The following CDH4 variants were observed in gnomAD, a reference collection of about 807,000 sequenced individuals.
CDH4 encodes the protein cadherin-4.
In CDH4, 33 loss-of-function variants were observed where a neutral mutation model predicts 86.0. That is an observed-to-expected ratio of 0.38 (90% CI 0.29 to 0.51). CDH4 has a LOEUF of 0.51. Among genes scored for constraint, CDH4 ranks in the 20% least tolerant of loss-of-function variants. CDH4 has a pLI of 0.86. For missense variants in CDH4, 1,114 were observed against 1,307.4 expected (o/e 0.85, Z 2.28); for synonymous variants, 555 against 549.4 (o/e 1.01, Z -0.14).
chr20:61,813,727 T>C (rs945952472), intron 4 of CDH4, among the ~76,000 whole-genome samples: 1 of 152,178 alleles, frequency 6.6e-6, no homozygotes, highest in African/African-American at 2.4e-5. Context: ...ATTTTTATTT[T>C]CTCACCTTGT....
At chr20:61,718,660 T>C in intron 2 of CDH4, 5 of 388,398 alleles carry the variant, frequency 1.3e-5, no homozygotes, top group South Asian at 9.7e-5. Context: ...GGACATTAAC[T>C]TGAACCGAAG....
At chr20:61,293,699 T>A (rs1158542863) in intron 2 of CDH4, among the ~76,000 whole-genome samples, 1 of 152,130 alleles carries the variant, frequency 6.6e-6, no homozygotes, top group African/African-American at 2.4e-5. Context: ...GCACAGCACC[T>A]CTTGGAGGGA....
chr20:61,444,797 G>A (rs552246328), intron 2 of CDH4, among the ~76,000 whole-genome samples: 7 of 150,982 alleles, frequency 4.6e-5, no homozygotes, highest in South Asian at 2.1e-4. Flanking sequence ...TTGTGTATCC[G>A]TATGTATGTG....
chr20:61,755,341 C>G (rs942340239), intron 3 of CDH4, among the ~76,000 whole-genome samples: 2 of 147,390 alleles, frequency 1.4e-5, no homozygotes, highest in African/African-American at 2.5e-5. Context: ...CCTTGTAACA[C>G]CACACACATA....
chr20:61,553,467 C>A (rs1459028803), intron 2 of CDH4, among the ~76,000 whole-genome samples: 1 of 152,224 alleles, frequency 6.6e-6, no homozygotes. Context: ...AGATTAAAAA[C>A]CAGCCTTTGA....
intron 2 of CDH4, among the ~76,000 whole-genome samples, chr20:61,500,491 C>T (rs1419740484): frequency 6.6e-6 from 1 of 152,220 alleles, no homozygotes; most frequent in Non-Finnish European, 1.5e-5. Flanking sequence ...ACTCTGGGTC[C>T]TGTCTCAGGC....
At chr20:61,415,825 G>A (rs1463723408) in intron 2 of CDH4, among the ~76,000 whole-genome samples, 1 of 151,836 alleles carries the variant, frequency 6.6e-6, no homozygotes, top group African/African-American at 2.4e-5. Context: ...TTAGCCTCCC[G>A]AGTAGCTGGG....
At chr20:61,894,306 C>G (rs755305711) in intron 7 of CDH4, among the ~76,000 whole-genome samples, 1 of 152,226 alleles carries the variant, frequency 6.6e-6, no homozygotes, top group East Asian at 1.9e-4. Flanking sequence ...ATGCATTCAT[C>G]CTGCCAAGAC....
intron 2 of CDH4, among the ~76,000 whole-genome samples, chr20:61,734,852 C>T (rs763143666): frequency 6.6e-6 from 1 of 152,260 alleles, no homozygotes; most frequent in African/African-American, 2.4e-5. Context: ...ACGAATCAAC[C>T]TGGGCAGATA....
At chr20:61,600,265 T>TGGATTCCG (rs928514086) in intron 2 of CDH4, among the ~76,000 whole-genome samples, 8 of 152,352 alleles carry the variant, frequency 5.3e-5, no homozygotes, top group Admixed American at 2.6e-4. Flanking sequence ...AATGATCACC[T>TGGATTCCG]GGATTCCGGG....
At chr20:61,546,140 ATT>A (rs2086082984) in intron 2 of CDH4, among the ~76,000 whole-genome samples, 14 of 18,452 alleles carry the variant, frequency 7.6e-4, no homozygotes, top group South Asian at 3.5e-3. Flanking sequence ...GGGATACGGT[ATT>A]TGTTCACATT....
At chr20:61,588,343 C>T (rs749383380) in intron 2 of CDH4, among the ~76,000 whole-genome samples, 11 of 152,188 alleles carry the variant, frequency 7.2e-5, no homozygotes, top group Admixed American at 1.3e-4. Flanking sequence ...TGATTTGCAA[C>T]GCTGGTCCTG....
chr20:61,605,886 G>GAAAAA (rs529210946), intron 2 of CDH4, among the ~76,000 whole-genome samples: 1 of 126,000 alleles, frequency 7.9e-6, no homozygotes, highest in Non-Finnish European at 1.7e-5. Context: ...GGCTGTGGAG[G>GAAAAA]AAAAAAAAAA....
intron 2 of CDH4, among the ~76,000 whole-genome samples, chr20:61,697,179 G>A (rs1006597815): frequency 2.0e-5 from 3 of 152,200 alleles, no homozygotes; most frequent in Non-Finnish European, 4.4e-5. Context: ...GATCCTAGGG[G>A]TTCCTGGGGC....
intron 2 of CDH4, among the ~76,000 whole-genome samples, chr20:61,646,265 C>T (rs1354074481): frequency 6.6e-6 from 1 of 152,142 alleles, no homozygotes; most frequent in Admixed American, 6.5e-5. Context: ...AAATTTAAAC[C>T]TCCTGACACT....
At chr20:61,673,496 C>T (rs1022879282) in intron 2 of CDH4, among the ~76,000 whole-genome samples, 20 of 152,228 alleles carry the variant, frequency 1.3e-4, no homozygotes, top group Non-Finnish European at 2.9e-5. Context: ...AGTTGAGGAG[C>T]CTGGCGGTTT....
chr20:61,615,081 A>C (rs1308955647), intron 2 of CDH4, among the ~76,000 whole-genome samples: 1 of 151,758 alleles, frequency 6.6e-6, no homozygotes, highest in Non-Finnish European at 1.5e-5. Context: ...TCTGCATTGG[A>C]AATGTGTTCA....
chr20:61,371,613 G>A (rs377647861), intron 2 of CDH4, among the ~76,000 whole-genome samples: 4 of 152,180 alleles, frequency 2.6e-5, no homozygotes, highest in East Asian at 1.9e-4. Flanking sequence ...CAAGACCACC[G>A]GGCAGGCCTC....
chr20:61,412,026 C>T (rs895067413), intron 2 of CDH4, among the ~76,000 whole-genome samples: 4 of 152,196 alleles, frequency 2.6e-5, no homozygotes, highest in African/African-American at 9.6e-5. Context: ...AGGATCAAGG[C>T]CGACTCTGGA....
Sources: allele counts gnomAD v4.1 joint callset (sites outside exome capture counted in the v4.1 genomes callset), GRCh38; gene constraint gnomAD v4.1.1; transcripts MANE v1.5; gene names NCBI Gene and HGNC (gene_info 2026-07-23, HGNC 2026-07-21).